Variants in CYB5A observed in about 807,000 individuals in gnomAD.
CYB5A encodes cytochrome b5 type A, also known as cytochrome b5.
In CYB5A, 10 loss-of-function variants were observed where a neutral mutation model predicts 16.2. That is an observed-to-expected ratio of 0.62 (90% CI 0.38 to 1.04). The LOEUF is 1.04. CYB5A is among the 50% of genes least tolerant of loss of function. The probability of loss-of-function intolerance (pLI) is 0.01; values close to 1 mark genes in which losing one functional copy is unlikely to be tolerated. For synonymous variants in CYB5A, 62 were observed against 57.0 expected, an observed-to-expected ratio of 1.09 and a Z score of -0.40; for missense variants, 161 against 165.9, an observed-to-expected ratio of 0.97 and a Z score of 0.16.
chr18:74,256,969 G>C, intron 3 of CYB5A: 1 of 862,286 alleles, frequency 1.2e-6, no homozygotes, highest in South Asian at 1.5e-5. Flanking sequence ...ACTACAGCAA[G>C]AGGATTTTCC....
chr18:74,283,839 G>T (rs1983212353), intron 1 of CYB5A, among the ~76,000 whole-genome samples: 1 of 152,172 alleles, frequency 6.6e-6, no homozygotes, highest in Non-Finnish European at 1.5e-5. Context: ...TATCGTCTGT[G>T]GGACTTGCTG....
intron 3 of CYB5A, chr18:74,256,008 A>G (rs1981963726): frequency 2.0e-6 from 1 of 511,636 alleles, no homozygotes; most frequent in Non-Finnish European, 3.5e-6. Flanking sequence ...CAATAATTTA[A>G]AAACATTCAA....
At chr18:74,268,230 T>C (rs1023736949) in intron 1 of CYB5A, among the ~76,000 whole-genome samples, 6 of 152,238 alleles carry the variant, frequency 3.9e-5, no homozygotes, top group African/African-American at 1.4e-4. Flanking sequence ...AAGAGTTTAG[T>C]GCCATGAAGA....
chr18:74,267,776 T>C (rs1982500447), intron 1 of CYB5A, among the ~76,000 whole-genome samples: 2 of 152,180 alleles, frequency 1.3e-5, no homozygotes, highest in Admixed American at 6.5e-5. Flanking sequence ...CTGAGCCAAA[T>C]GGAAGCTGTG....
In CYB5A at chr18:74,255,290, C is replaced by A. The variant is rs116708161; in HGVS notation, c.323+451G>T. Among the ~76,000 whole-genome samples the A allele has an allele frequency of 1.2e-3, 181 of 152,204 alleles. 1 individual carries two copies. Among genetic ancestry groups the A allele is most frequent in the African/African-American group, 4.0e-3 (167 of 41,532 alleles). On this transcript the variant is annotated intron_variant, in intron 4 of 4. Coordinates refer to ENST00000340533, the MANE Select transcript of CYB5A (RefSeq NM_148923.4). ...AATCTGGTGCCTAGAACAATTGAGTCGTGCTACACATAGATTACCAGCTTC... is the reference window on the plus strand; with the variant it reads ...AATCTGGTGCCTAGAACAATTGAGTAGTGCTACACATAGATTACCAGCTTC...
intron 1 of CYB5A, among the ~76,000 whole-genome samples, chr18:74,286,047 C>T (rs1463938426): frequency 1.3e-5 from 2 of 152,164 alleles, no homozygotes; most frequent in Non-Finnish European, 2.9e-5. Context: ...GGTCCCTCAA[C>T]ACCTAGTTTA....
At chr18:74,282,322 C>T (rs1193771771) in intron 1 of CYB5A, among the ~76,000 whole-genome samples, 1 of 152,210 alleles carries the variant, frequency 6.6e-6, no homozygotes, top group Non-Finnish European at 1.5e-5. Context: ...AGGCTCTCCT[C>T]TTCCATCCTG....
intron 3 of CYB5A, chr18:74,257,015 A>T (rs1194280588): frequency 6.6e-6 from 4 of 609,302 alleles, no homozygotes; most frequent in Non-Finnish European, 1.2e-5. Flanking sequence ...AACAAAAATT[A>T]CTAGAAATAA....
chr18:74,262,475 A>T lies in CYB5A; in HGVS notation c.258+874T>A, dbSNP rs200982569. On this transcript the variant is annotated intron_variant, in intron 2 of 4. Coordinates refer to ENST00000340533, the MANE Select transcript of CYB5A (RefSeq NM_148923.4). ...TGTCTCAAAAAAAAAAAAAAAGAAA[A>T]GAAAAGCCAAATTAGGCCAGTGTTT... 1.9e-4 allele frequency among the ~76,000 whole-genome samples: 29 copies of T among 151,960 alleles called. No individual in the cohort carries two copies. In the East Asian group the frequency reaches 5.6e-3, roughly 29 times the overall value.
At chr18:74,262,982 T>C (rs1349844300) in intron 2 of CYB5A, among the ~76,000 whole-genome samples, 1 of 152,048 alleles carries the variant, frequency 6.6e-6, no homozygotes, top group Admixed American at 6.6e-5. Context: ...AAACCCCGTC[T>C]CTACAAAAAC....
intron 1 of CYB5A, among the ~76,000 whole-genome samples, chr18:74,284,252 A>AAAAAAAAAG (rs1555690735): frequency 6.8e-6 from 1 of 147,450 alleles, no homozygotes; most frequent in Non-Finnish European, 1.5e-5. Context: ...AAAAAAAAAA[A>AAAAAAAAAG]AGAGAGATTA....
At chr18:74,284,535 C>T (rs1053289317) in intron 1 of CYB5A, among the ~76,000 whole-genome samples, 15 of 152,160 alleles carry the variant, frequency 9.9e-5, no homozygotes, top group Non-Finnish European at 5.9e-5. Flanking sequence ...CACAGCTGCA[C>T]AAAGCTTAAT....
chr18:74,261,113 A>G, intron 2 of CYB5A, 169 bp from the exon 3 acceptor site: 1 of 617,532 alleles, frequency 1.6e-6, no homozygotes, highest in East Asian at 3.0e-5. Context: ...AACAGCAAAA[A>G]TTAGTAGCAG....
intron 1 of CYB5A, among the ~76,000 whole-genome samples, chr18:74,266,056 T>A (rs964638312): frequency 2.6e-5 from 4 of 152,202 alleles, no homozygotes; most frequent in African/African-American, 9.7e-5. Context: ...TACTGAAATG[T>A]CTTCTACTGG....
At chr18:74,261,210 A>C in intron 2 of CYB5A, 1 of 430,018 alleles carries the variant, frequency 2.3e-6, no homozygotes, top group Non-Finnish European at 4.3e-6. Context: ...TGATGTGCAC[A>C]CACATTTATT....
intron 1 of CYB5A, among the ~76,000 whole-genome samples, chr18:74,271,896 C>T (rs748576008): frequency 6.6e-6 from 1 of 152,224 alleles, no homozygotes; most frequent in Non-Finnish European, 1.5e-5. Context: ...TCTCCTATGA[C>T]TCTGTGGCAG....
chr18:74,266,187 C>T (rs1219312996), intron 1 of CYB5A, among the ~76,000 whole-genome samples: 1 of 152,212 alleles, frequency 6.6e-6, no homozygotes, highest in Non-Finnish European at 1.5e-5. Context: ...GCCAAGGCTG[C>T]AGCAATAAAA....
chr18:74,279,169 G>A (rs1982992692), intron 1 of CYB5A, among the ~76,000 whole-genome samples: 1 of 152,214 alleles, frequency 6.6e-6, no homozygotes, highest in Non-Finnish European at 1.5e-5. Flanking sequence ...CCCAGTGGTA[G>A]ATGAGTGATG....
rs1440152650 is a variant in CYB5A, at chr18:74,263,431, G to A, written c.176C>T (p.Ala59Val). 3 of 1,614,078 alleles carry A rather than the reference G, an allele frequency of 1.9e-6. No individual in the cohort carries two copies. The highest frequency in any genetic ancestry group is 2.5e-6 in the Non-Finnish European group (3 of 1,180,000). The change falls in exon 2 of 5, where the codon GCT (alanine) becomes GTT (valine). Residue 59 changes from alanine (A) to valine (V), a missense_variant. Ala to Val is a moderately conservative substitution (Grantham distance 64, BLOSUM62 0). Coordinates refer to ENST00000340533, the MANE Select transcript of CYB5A (RefSeq NM_148923.4). ...EVLREQAGGDATENFEDVGHS... is the reference protein window; with the variant it reads ...EVLREQAGGDVTENFEDVGHS... Reference sequence around the variant, plus strand: ...CCCGACATCCTCAAAGTTCTCAGTAGCGTCACCTCCAGCTTGTTCCCTTAA... The same window carrying A: ...CCCGACATCCTCAAAGTTCTCAGTAACGTCACCTCCAGCTTGTTCCCTTAA...
Sources: allele counts gnomAD v4.1 joint callset (sites outside exome capture counted in the v4.1 genomes callset), GRCh38; gene constraint gnomAD v4.1.1; transcripts MANE v1.5; gene names NCBI Gene and HGNC (gene_info 2026-07-23, HGNC 2026-07-21).